The following SF3B3 variants were observed in gnomAD, a reference collection of about 807,000 sequenced individuals.
The protein encoded by SF3B3 is splicing factor 3b subunit 3.
Under a neutral mutation model 139.2 loss-of-function variants are expected in SF3B3, and 33 were observed. The observed-to-expected ratio is 0.24, with a 90% confidence interval of 0.18 to 0.32. The LOEUF (loss-of-function observed/expected upper bound fraction) is 0.32, where lower values mean the gene tolerates loss of function less well. SF3B3 is among the 10% of genes least tolerant of loss of function. SF3B3 has a pLI of 1.00. For synonymous variants in SF3B3, 596 were observed against 563.6 expected (o/e 1.06, Z -0.81); for missense variants, 818 against 1,509.4 (o/e 0.54, Z 7.59).
chr16:70,526,147 A>G (rs2050061489), intron 1 of SF3B3, among the ~76,000 whole-genome samples: 1 of 151,954 alleles, frequency 6.6e-6, no homozygotes, highest in Non-Finnish European at 1.5e-5. Context: ...CAATAAAATC[A>G]AATATGTATG....
intron 22 of SF3B3, among the ~76,000 whole-genome samples, chr16:70,568,712 G>T (rs909534140): frequency 2.0e-5 from 3 of 152,100 alleles, no homozygotes; most frequent in South Asian, 2.1e-4. Context: ...CCTATTGAAC[G>T]TGATTTAATG....
intron 2 of SF3B3, 124 bp downstream of exon 2, chr16:70,526,850 A>G: frequency 1.5e-6 from 1 of 678,380 alleles, no homozygotes; most frequent in South Asian, 1.9e-5. Context: ...TAAACAATTC[A>G]AATTATGAGA....
chr16:70,569,184 C>A, intron 23 of SF3B3, 43 bp downstream of exon 23: 1 of 1,380,718 alleles, frequency 7.2e-7, no homozygotes, highest in Non-Finnish European at 1.0e-6. Context: ...CTGCTTAGCA[C>A]TTTTCCTGTT....
Position 70,548,412 on chromosome 16 carries a change from G to A in SF3B3, c.1372G>A (p.Ala458Thr), listed in dbSNP as rs754353119. 3 of 1,613,922 alleles carry A rather than the reference G, an allele frequency of 1.9e-6. No individual in the cohort carries two copies. The highest frequency in any genetic ancestry group is 2.2e-5 in the East Asian group (1 of 44,880). ...TTCTGAGCTACCTGGTAACCCCAAC[G>A]CTGTCTGGACAGTGCGTCGACACAT... is the stretch of plus-strand genomic sequence containing the variant. ...AVSELPGNPN[A>T]VWTVRRHIED... Residue 458 changes from alanine to threonine, a missense_variant, in exon 11 of 26, where the codon GCT becomes ACT. Around this residue, in one of 14 missense-constraint regions of SF3B3, gnomAD observed 31 missense variants for 77.3 expected, o/e 0.40. Coordinates refer to ENST00000302516, the MANE Select transcript of SF3B3 (RefSeq NM_012426.5).
chr16:70,564,853 G>A lies in SF3B3; in HGVS notation c.2464-212G>A, dbSNP rs370494483. Reference sequence around the variant, plus strand: ...GGTGTTTTCTACTAATATGTAACCAGCAATGTCTGGATTTCCCTTTCTGAT... The same window carrying A: ...GGTGTTTTCTACTAATATGTAACCAACAATGTCTGGATTTCCCTTTCTGAT... On this transcript the variant is annotated intron_variant, in intron 18 of 25. Coordinates refer to ENST00000302516, the MANE Select transcript of SF3B3 (RefSeq NM_012426.5). 1.1e-4 allele frequency among the ~76,000 whole-genome samples: 17 copies of A among 152,174 alleles called. No homozygotes were observed. In the East Asian group the frequency reaches 1.7e-3, roughly 15 times the overall value.
In SF3B3 at chr16:70,567,480, C is replaced by A; in HGVS notation, c.2896C>A (p.Leu966Met). The A allele has an allele frequency of 6.2e-7, 1 of 1,613,924 alleles. No homozygotes were observed. Among genetic ancestry groups the A allele is most frequent in the African/African-American group, 1.3e-5 (1 of 74,958 alleles). The part of the protein sequence containing the change: ...QGRVLIGVGK[L>M]LRVYDLGKKK... ...GAGGGTGTTGATTGGTGTGGGGAAG[C>A]TGTTGCGTGTCTATGACCTGGGAAA... Residue 966 changes from leucine to methionine, a missense_variant, in exon 21 of 26, where the codon CTG (leucine) becomes ATG (methionine). By Grantham distance (15) the Leu-to-Met change is conservative. Transcript: ENST00000302516.
intron 10 of SF3B3, among the ~76,000 whole-genome samples, chr16:70,546,074 C>A (rs766085667): frequency 4.6e-5 from 7 of 152,110 alleles, no homozygotes; most frequent in Non-Finnish European, 1.0e-4. Flanking sequence ...GCAAGCAATT[C>A]TCCCACCTTA....
chr16:70,544,491 G>T lies in SF3B3; in HGVS notation c.1287G>T (p.Arg429Ser). The T allele has an allele frequency of 6.2e-7, 1 of 1,612,966 alleles. No homozygotes were observed. The highest frequency in any genetic ancestry group is 1.1e-5 in the South Asian group (1 of 91,056). The change falls in exon 10 of 26, where the codon AGG becomes AGT. Residue 429 changes from arginine (R) to serine (S), a missense_variant. By Grantham distance (110) the Arg-to-Ser change is moderately radical (BLOSUM62 -1). Coordinates refer to ENST00000302516, the MANE Select transcript of SF3B3 (RefSeq NM_012426.5). ...CACAGTTGTATGTGGCCTGTGGTAGGGGACCCCGATCATCTCTGAGAGTCC... is the reference window on the plus strand; with the variant it reads ...CACAGTTGTATGTGGCCTGTGGTAGTGGACCCCGATCATCTCTGAGAGTCC... ...DTPQLYVACG[R>S]GPRSSLRVLR...
intron 21 of SF3B3, among the ~76,000 whole-genome samples, chr16:70,567,747 G>A (rs1471070761): frequency 3.3e-5 from 5 of 152,140 alleles, no homozygotes; most frequent in East Asian, 3.9e-4. Context: ...GTGCAGTGGC[G>A]CAATCTCGGC....
At position 70,538,343 on chromosome 16, in the gene SF3B3, AAG is replaced by A; in HGVS notation, c.849_850del (p.Gly284AsnfsTer10). ...GCTAGAATGACCTGGATGACCCTGA[AAG>A]AGGAATGATTTTTGTCTGCTCTGCA... ...RRRNDLDDPE[R>X]GMIFVCSATH... is the part of the protein sequence containing the mutation. On this transcript the variant is annotated frameshift_variant, in exon 7 of 26. Transcript: ENST00000302516. LOFTEE classifies it high-confidence loss of function. 1 of 1,614,022 alleles carries A rather than the reference AAG, an allele frequency of 6.2e-7. No homozygotes were observed. The highest frequency in any genetic ancestry group is 1.3e-5 in the African/African-American group (1 of 75,042).
At position 70,529,214 on chromosome 16, in the gene SF3B3, C is replaced by T; in HGVS notation, c.397+15C>T. The T allele has an allele frequency of 6.3e-7, 1 of 1,595,768 alleles. No homozygotes were observed. The highest frequency in any genetic ancestry group is 1.3e-5 in the African/African-American group (1 of 74,656). On this transcript the variant is annotated intron_variant, in intron 3 of 25. Coordinates refer to ENST00000302516, the MANE Select transcript of SF3B3 (RefSeq NM_012426.5). ...CGTTATGATTAGTAAGTGATTTACT[C>T]TACTTGCTGTATATGCCTAGTTTAG...
At chr16:70,565,612 ACCAGCT>A in intron 20 of SF3B3, 88 bp downstream of exon 20, 2 of 1,218,438 alleles carry the variant, frequency 1.6e-6, no homozygotes, top group African/African-American at 3.0e-5. Context: ...TCTTTTGGGG[ACCAGCT>A]CCTTGATTCC....
At chr16:70,537,789 C>T (rs531807225) in intron 6 of SF3B3, among the ~76,000 whole-genome samples, 11 of 152,272 alleles carry the variant, frequency 7.2e-5, no homozygotes, top group East Asian at 1.9e-4. Flanking sequence ...CGTTAAAAAA[C>T]GCAAGGCAGG....
At chr16:70,564,403 C>T (rs1567424076) in intron 18 of SF3B3, among the ~76,000 whole-genome samples, 1 of 152,160 alleles carries the variant, frequency 6.6e-6, no homozygotes, top group Non-Finnish European at 1.5e-5. Flanking sequence ...TTAGTATATT[C>T]TTTGTTTTTA....
intron 20 of SF3B3, among the ~76,000 whole-genome samples, chr16:70,567,014 A>T (rs1422017741): frequency 6.6e-6 from 1 of 151,864 alleles, no homozygotes; most frequent in African/African-American, 2.4e-5. Flanking sequence ...TGCGCCTGCC[A>T]CAGCCCTTCA....
rs1049907124 is a variant in SF3B3 at position 70,555,078 on chromosome 16, C to T, written c.1582C>T (p.Arg528Ter). Reference sequence around the variant, plus strand: ...CTATCCAGATGGCATTCGGCACATACGAGCAGACAAGAGAGTCAATGAGTG... The same window carrying T: ...CTATCCAGATGGCATTCGGCACATATGAGCAGACAAGAGAGTCAATGAGTG... ...QVYPDGIRHI[R>*]ADKRVNEWKT... The change falls in exon 13 of 26, where the codon CGA (arginine) becomes TGA (stop). Residue 528 changes from arginine (R) to a stop codon, truncating the protein, a stop_gained. Coordinates refer to ENST00000302516, the MANE Select transcript of SF3B3 (RefSeq NM_012426.5). LOFTEE classifies it high-confidence loss of function. The T allele has an allele frequency of 1.2e-6, 2 of 1,613,986 alleles. No homozygotes were observed. Among genetic ancestry groups the T allele is most frequent in the Non-Finnish European group, 1.7e-6 (2 of 1,179,932 alleles).
chr16:70,556,845 T>C (rs759409891), intron 14 of SF3B3, 41 bp from the exon 15 acceptor site: 79 of 1,610,774 alleles, frequency 4.9e-5, no homozygotes, highest in Non-Finnish European at 6.4e-5. Flanking sequence ...TTCCTAAAAT[T>C]GTCATTTTCT....
At chr16:70,547,122 A>G (rs563850574) in intron 10 of SF3B3, among the ~76,000 whole-genome samples, 11 of 152,340 alleles carry the variant, frequency 7.2e-5, no homozygotes, top group African/African-American at 1.9e-4. Flanking sequence ...TGTGGTCTCA[A>G]TTGAGCCAGG....
rs2050585575 is a variant in SF3B3 at position 70,576,851 on chromosome 16, C to T, written c.*5038C>T. 6.6e-6 allele frequency: 1 copy of T among 152,260 alleles called. No individual in the cohort carries two copies. The highest frequency in any genetic ancestry group is 1.5e-5 in the Non-Finnish European group (1 of 68,112). The allele number at this position is 152,260 out of a possible 1,614,324, so 9.4% of individuals were successfully genotyped here. A position where few individuals can be genotyped will look rare whatever the true frequency, so the allele number is the denominator to read the frequency against. On this transcript the variant is annotated 3_prime_UTR_variant, in exon 26 of 26. Coordinates refer to ENST00000302516, the MANE Select transcript of SF3B3 (RefSeq NM_012426.5). ...GTAGAATAAGACTGATTTACTGGGC[C>T]TGGCATGGTGGCTCACACCTGTAAT...
Sources: gnomAD v4.1 joint callset for allele counts (sites outside exome capture counted in the v4.1 genomes callset) on GRCh38, gnomAD v4.1.1 for gene constraint, gnomAD v4.1.1 regional missense constraint, MANE v1.5 for transcripts, NCBI Gene and HGNC (gene_info 2026-07-23, HGNC 2026-07-21) for gene names.